CCDC181: variants seen among roughly 807,000 people sequenced by gnomAD.
The protein encoded by CCDC181 is coiled-coil domain-containing protein 181.
Under a neutral mutation model 58.7 loss-of-function variants are expected in CCDC181, and 35 were observed. The observed-to-expected ratio is 0.60, with a 90% CI of 0.46 to 0.79. CCDC181 has a LOEUF of 0.79. Among genes scored for constraint, CCDC181 ranks in the 30% least tolerant of loss-of-function variants. CCDC181 has a pLI of 0.00. For missense variants in CCDC181, 517 were observed against 583.9 expected (o/e 0.89, Z 1.18); for synonymous variants, 183 against 197.5 (o/e 0.93, Z 0.62).
chr1:169,437,062 T>G (rs67795749), intron 2 of CCDC181, among the ~76,000 whole-genome samples: 1 of 151,904 alleles, frequency 6.6e-6, no homozygotes, highest in Non-Finnish European at 1.5e-5. Flanking sequence ...CGTTCAGGGA[T>G]CAGAGTTTTT....
intron 4 of CCDC181, among the ~76,000 whole-genome samples, chr1:169,404,507 T>C (rs964545189): frequency 5.9e-5 from 9 of 152,172 alleles, no homozygotes; most frequent in African/African-American, 2.2e-4. Flanking sequence ...TGGTTCAACG[T>C]ATGCAAATCA....
intron 4 of CCDC181, among the ~76,000 whole-genome samples, chr1:169,401,126 TA>T (rs1557858806): frequency 1.3e-5 from 2 of 152,118 alleles, no homozygotes; most frequent in African/African-American, 4.8e-5. Context: ...TGCTGAGGCT[TA>T]AGTAGGTAAA....
At chr1:169,453,362 T>A (rs995483287) in intron 2 of CCDC181, among the ~76,000 whole-genome samples, 7 of 152,230 alleles carry the variant, frequency 4.6e-5, no homozygotes, top group African/African-American at 1.7e-4. Flanking sequence ...GCACACTAAA[T>A]AGTAATGTAT....
intron 2 of CCDC181, chr1:169,452,868 C>G (rs1657579579): frequency 1.3e-5 from 2 of 151,922 alleles, no homozygotes; most frequent in Admixed American, 1.3e-4. Flanking sequence ...AAATTATTTT[C>G]CTTTTTCTCT....
chr1:169,457,038 A>G (rs1657693752), intron 2 of CCDC181, among the ~76,000 whole-genome samples: 1 of 152,134 alleles, frequency 6.6e-6, no homozygotes, highest in Non-Finnish European at 1.5e-5. Context: ...AATTTTAGGT[A>G]GGAAGTTATT....
intron 2 of CCDC181, among the ~76,000 whole-genome samples, chr1:169,423,980 T>C (rs1292828543): frequency 6.6e-6 from 1 of 151,986 alleles, no homozygotes; most frequent in Admixed American, 6.6e-5. Context: ...CTCATAGTCT[T>C]TTCCTTAACA....
At chr1:169,406,592 A>C (rs1031476416) in intron 4 of CCDC181, among the ~76,000 whole-genome samples, 1 of 152,156 alleles carries the variant, frequency 6.6e-6, no homozygotes, top group African/African-American at 2.4e-5. Flanking sequence ...GTGGGCATTG[A>C]ACAATGAGAA....
At chr1:169,406,125 A>G (rs564633543) in intron 4 of CCDC181, among the ~76,000 whole-genome samples, 20 of 152,366 alleles carry the variant, frequency 1.3e-4, no homozygotes, top group African/African-American at 4.6e-4. Context: ...TAGAATGGCA[A>G]TCATTAAAAA....
At chr1:169,439,576 C>T (rs878889888) in intron 2 of CCDC181, among the ~76,000 whole-genome samples, 5 of 152,126 alleles carry the variant, frequency 3.3e-5, no homozygotes, top group Admixed American at 2.0e-4. Context: ...TCAGGACTCA[C>T]AGTAGCATCT....
At chr1:169,439,647 C>T (rs948569859) in intron 2 of CCDC181, among the ~76,000 whole-genome samples, 2 of 152,122 alleles carry the variant, frequency 1.3e-5, no homozygotes, top group African/African-American at 2.4e-5. Flanking sequence ...CTAAGTGTTA[C>T]ACCAGCTCAG....
chr1:169,411,244 A>G (rs1258362387), intron 4 of CCDC181, among the ~76,000 whole-genome samples: 1 of 152,244 alleles, frequency 6.6e-6, no homozygotes, highest in Non-Finnish European at 1.5e-5. Context: ...CTACCATCAT[A>G]TAATAGTATA....
In CCDC181 at chr1:169,425,283, C is replaced by T. The variant is rs144355373; in HGVS notation, c.-23-333G>A. 4.6e-5 allele frequency among the ~76,000 whole-genome samples: 7 copies of T among 152,140 alleles called. No individual in the cohort carries two copies. The East Asian group carries it at 9.7e-4, about 21-fold the overall frequency. ...ATCCACCAGCTGTTTTAGCCATTAG[C>T]TTCGCTTTGTTCTCCCCAAACCTTT... On this transcript the variant is annotated intron_variant, in intron 1 of 5. Transcript: ENST00000367806.
At chr1:169,406,278 C>T (rs572489415) in intron 4 of CCDC181, among the ~76,000 whole-genome samples, 49 of 152,104 alleles carry the variant, frequency 3.2e-4, no homozygotes, top group Admixed American at 6.6e-4. Flanking sequence ...ACCATTTGAC[C>T]CAGCCATCCC....
chr1:169,450,858 T>C (rs1277708976), intron 2 of CCDC181, among the ~76,000 whole-genome samples: 3 of 152,340 alleles, frequency 2.0e-5, no homozygotes, highest in Admixed American at 2.0e-4. Context: ...TGCTATCTCA[T>C]TGGCATTAAT....
At chr1:169,443,293 G>A (rs1010397583) in intron 2 of CCDC181, 6 of 151,998 alleles carry the variant, frequency 3.9e-5, no homozygotes, top group African/African-American at 1.2e-4. Flanking sequence ...TATTTCATGT[G>A]TTCAGCACCT....
chr1:169,445,223 G>T (rs575404601), intron 2 of CCDC181, among the ~76,000 whole-genome samples: 3 of 152,040 alleles, frequency 2.0e-5, no homozygotes, highest in Non-Finnish European at 2.9e-5. Context: ...CTGATCTTAG[G>T]GGGGACAAAA....
At chr1:169,404,553 CA>C (rs1361620389) in intron 4 of CCDC181, among the ~76,000 whole-genome samples, 1 of 152,134 alleles carries the variant, frequency 6.6e-6, no homozygotes. Flanking sequence ...GAACCAAAGA[CA>C]AAAACCACAT....
chr1:169,403,903 A>G (rs966525437), intron 4 of CCDC181, among the ~76,000 whole-genome samples: 4 of 152,206 alleles, frequency 2.6e-5, no homozygotes, highest in African/African-American at 7.2e-5. Flanking sequence ...AGCAAAATCG[A>G]TAGACTGCTA....
intron 4 of CCDC181, among the ~76,000 whole-genome samples, chr1:169,401,504 C>G (rs1655346522): frequency 6.6e-6 from 1 of 152,290 alleles, no homozygotes; most frequent in South Asian, 2.1e-4. Flanking sequence ...ATTTGCTGTT[C>G]TGCAGCCTCT....
Sources: gnomAD v4.1 joint callset for allele counts (sites outside exome capture counted in the v4.1 genomes callset) on GRCh38, gnomAD v4.1.1 for gene constraint, MANE v1.5 for transcripts, NCBI Gene and HGNC (gene_info 2026-07-23, HGNC 2026-07-21) for gene names.